The following FRMPD4 variants were observed in gnomAD, a reference collection of about 807,000 sequenced individuals.
FRMPD4 encodes the protein FERM and PDZ domain containing 4.
In FRMPD4, 22 loss-of-function variants were observed where a neutral mutation model predicts 94.1. The ratio of observed to expected loss-of-function variants is 0.23; its 90% confidence interval spans 0.17 to 0.33. The LOEUF (loss-of-function observed/expected upper bound fraction) is 0.33, where lower values mean the gene tolerates loss of function less well. Among genes scored for constraint, FRMPD4 ranks in the 10% least tolerant of loss-of-function variants. FRMPD4 has a pLI of 1.00. For missense variants in FRMPD4, 1,111 were observed against 1,339.9 expected (o/e 0.83, Z 2.67); for synonymous variants, 631 against 548.6 (o/e 1.15, Z -2.10).
chrX:12,612,521 G>A (rs1332177271), intron 3 of FRMPD4, among the ~76,000 whole-genome samples: 1 of 112,193 alleles, frequency 8.9e-6, no homozygotes, highest in African/African-American at 3.2e-5. Flanking sequence ...CAAAGTAAAG[G>A]CCATGAGACA....
chrX:12,090,200 A>G (rs1028007443), intron 3 of FRMPD4, among the ~76,000 whole-genome samples: 1 of 110,480 alleles, frequency 9.1e-6, no homozygotes. Context: ...TTTCTCATGA[A>G]TGGTTTAGTA....
chrX:12,107,126 T>C (rs2055306578), intron 3 of FRMPD4, among the ~76,000 whole-genome samples: 1 of 111,866 alleles, frequency 8.9e-6, no homozygotes, highest in Non-Finnish European at 1.9e-5. Context: ...GACCCCCAAG[T>C]AGCCTAACTG....
intron 1 of FRMPD4, among the ~76,000 whole-genome samples, chrX:12,148,436 A>T (rs775741112): frequency 2.7e-5 from 3 of 112,669 alleles, no homozygotes; most frequent in South Asian, 7.3e-4. Flanking sequence ...GCGAAGGCTG[A>T]GAAAAGTGAG....
At chrX:12,156,769 G>C (rs1489148432) in intron 1 of FRMPD4, among the ~76,000 whole-genome samples, 1 of 112,097 alleles carries the variant, frequency 8.9e-6, no homozygotes, top group African/African-American at 3.2e-5. Flanking sequence ...TAAATTCTTA[G>C]ACAACTTTGT....
chrX:12,349,360 G>A (rs1221312480), intron 1 of FRMPD4, among the ~76,000 whole-genome samples: 4 of 110,652 alleles, frequency 3.6e-5, no homozygotes, highest in Non-Finnish European at 5.7e-5. Context: ...TATAAGTCCC[G>A]ATGTGATCAA....
chrX:12,202,388 G>A (rs147427656), intron 1 of FRMPD4, among the ~76,000 whole-genome samples: 35 of 112,081 alleles, frequency 3.1e-4, no homozygotes, highest in East Asian at 2.8e-3. Context: ...ATGGAGTACT[G>A]GTGTGAGTGG....
At chrX:11,822,462 G>A (rs2053418153) in exon 1 of FRMPD4, among the ~76,000 whole-genome samples, 1 of 112,248 alleles carries the variant, frequency 8.9e-6, no homozygotes, top group Non-Finnish European at 1.9e-5. Context: ...AGTCTAAGGA[G>A]GCTGGAAGTG....
intron 1 of FRMPD4, among the ~76,000 whole-genome samples, chrX:12,275,572 G>A (rs60727811): frequency 0.035 from 3,860 of 108,738 alleles, 195 homozygotes; most frequent in African/African-American, 0.12. Flanking sequence ...GGTGACATTC[G>A]AAGGTGTGTG....
chrX:11,992,737 C>A (rs1352392927), intron 3 of FRMPD4, among the ~76,000 whole-genome samples: 1 of 111,300 alleles, frequency 9.0e-6, no homozygotes, highest in Non-Finnish European at 1.9e-5. Flanking sequence ...CACTGGAGTT[C>A]TATTTATCAC....
At chrX:12,099,936 A>T (rs972384265) in intron 3 of FRMPD4, among the ~76,000 whole-genome samples, 25 of 112,268 alleles carry the variant, frequency 2.2e-4, no homozygotes, top group Non-Finnish European at 2.4e-4. Context: ...GGTCCAACAA[A>T]CTACTGCCCA....
intron 3 of FRMPD4, among the ~76,000 whole-genome samples, chrX:11,945,162 C>G (rs1409179412): frequency 9.0e-6 from 1 of 111,663 alleles, no homozygotes; most frequent in Non-Finnish European, 1.9e-5. Flanking sequence ...TCCAACCCCC[C>G]ATGGATTTTC....
intron 4 of FRMPD4, among the ~76,000 whole-genome samples, chrX:12,660,740 C>T (rs773002150): frequency 8.9e-6 from 1 of 112,424 alleles, no homozygotes; most frequent in East Asian, 2.8e-4. Context: ...GGTTATCTCT[C>T]ATGGTTCTGT....
chrX:12,483,822 TTA>T (rs1187134304), intron 1 of FRMPD4, among the ~76,000 whole-genome samples: 1 of 112,360 alleles, frequency 8.9e-6, no homozygotes, highest in African/African-American at 3.2e-5. Context: ...TACAAACTTC[TTA>T]TATAGAATCT....
chrX:12,349,753 A>G (rs1436310521), intron 1 of FRMPD4, among the ~76,000 whole-genome samples: 2 of 111,991 alleles, frequency 1.8e-5, no homozygotes, highest in East Asian at 5.6e-4. Flanking sequence ...GGTCATTAAT[A>G]ATTCAATAAT....
intron 3 of FRMPD4, among the ~76,000 whole-genome samples, chrX:11,905,969 C>A (rs187037947): frequency 9.0e-6 from 1 of 110,686 alleles, no homozygotes; most frequent in Non-Finnish European, 1.9e-5. Flanking sequence ...ATTACAGCCA[C>A]AAAATCAAGA....
intron 3 of FRMPD4, among the ~76,000 whole-genome samples, chrX:12,029,821 A>G (rs774129452): frequency 9.0e-6 from 1 of 111,706 alleles, no homozygotes; most frequent in Non-Finnish European, 1.9e-5. Flanking sequence ...GCCATTTAAT[A>G]TAACCTAATC....
At chrX:12,127,348 G>A (rs1202671603) in intron 3 of FRMPD4, among the ~76,000 whole-genome samples, 4 of 111,603 alleles carry the variant, frequency 3.6e-5, no homozygotes. Flanking sequence ...TGGCAGAAGG[G>A]GGAAGCAAAC....
At chrX:12,696,004 G>A (rs2060124502) in intron 9 of FRMPD4, among the ~76,000 whole-genome samples, 1 of 111,825 alleles carries the variant, frequency 8.9e-6, no homozygotes, top group South Asian at 3.8e-4. Context: ...CCAAAGTGCT[G>A]GAATTATAGG....
At chrX:12,315,497 A>G (rs758668252) in intron 1 of FRMPD4, among the ~76,000 whole-genome samples, 4 of 111,897 alleles carry the variant, frequency 3.6e-5, no homozygotes, top group Admixed American at 9.5e-5. Context: ...AGGAAGAGAC[A>G]TAGCAAAGAA....
Sources: gnomAD v4.1 joint callset for allele counts (sites outside exome capture counted in the v4.1 genomes callset) on GRCh38, gnomAD v4.1.1 for gene constraint, MANE v1.5 for transcripts, NCBI Gene and HGNC (gene_info 2026-07-23, HGNC 2026-07-21) for gene names.